Variants in PCDHGB3 observed in about 807,000 individuals in gnomAD.
PCDHGB3 encodes the protein protocadherin gamma subfamily B, 3, also known as protocadherin gamma-B3.
In PCDHGB3, 40 loss-of-function variants were observed where a neutral mutation model predicts 59.2. That is an observed-to-expected ratio of 0.68 (90% confidence interval 0.52 to 0.88). The LOEUF is 0.88. PCDHGB3 is among the 40% of genes least tolerant of loss of function. The probability of loss-of-function intolerance (pLI) is 0.00; values close to 1 mark genes in which losing one functional copy is unlikely to be tolerated. For missense variants in PCDHGB3, 1,309 were observed against 1,187.9 expected (o/e 1.10, Z -1.50); for synonymous variants, 581 against 503.6 (o/e 1.15, Z -2.06).
At chr5:141,383,596 G>T in intron 1 of PCDHGB3, 1 of 1,613,702 alleles carries the variant, frequency 6.2e-7, no homozygotes, top group Non-Finnish European at 8.5e-7. Context: ...GGTGACAGTG[G>T]TGGATGTGAA....
intron 1 of PCDHGB3, chr5:141,410,620 G>T (rs765125633): frequency 6.2e-7 from 1 of 1,603,524 alleles, no homozygotes. Flanking sequence ...CTCTGACTTC[G>T]GTGAGTTTCT....
rs753936459 is a variant in PCDHGB3 at position 141,501,288 on chromosome 5, TATAC to T, written c.2475-4103_2475-4100del. Among the ~76,000 whole-genome samples the T allele has an allele frequency of 4.5e-4, 37 of 81,322 alleles. No homozygotes were observed. The South Asian group carries it at 5.1e-3, about 11-fold the overall frequency. 53.4% of individuals were successfully genotyped at this position (81,322 alleles called of 152,430 possible). A position where few individuals can be genotyped will look rare whatever the true frequency, so the allele number is the denominator to read the frequency against. ...TAGTCCAGTCTATGGGATATTCCCT[TATAC>T]ACACACACACACACACACACACACA... On this transcript the variant is annotated intron_variant, in intron 2 of 3. Coordinates refer to ENST00000576222, the MANE Select transcript of PCDHGB3 (RefSeq NM_018924.5).
intron 1 of PCDHGB3, chr5:141,422,667 G>A (rs1283968031): frequency 1.9e-6 from 3 of 1,607,536 alleles, no homozygotes; most frequent in South Asian, 1.1e-5. Context: ...CCCTCGACCC[G>A]GACAGCAAAC....
intron 1 of PCDHGB3, among the ~76,000 whole-genome samples, chr5:141,451,644 G>A (rs1730833205): frequency 6.6e-6 from 1 of 152,178 alleles, no homozygotes; most frequent in Non-Finnish European, 1.5e-5. Context: ...CACTCTGAGA[G>A]GCCAAGGAGG....
chr5:141,460,766 A>G (rs1370331016), intron 1 of PCDHGB3, among the ~76,000 whole-genome samples: 1 of 152,056 alleles, frequency 6.6e-6, no homozygotes, highest in Non-Finnish European at 1.5e-5. Flanking sequence ...TACATATTGC[A>G]TATGTATGTA....
In PCDHGB3 at chr5:141,412,148, C is replaced by T. The variant is rs183538712; in HGVS notation, c.2415+39339C>T. ...GGACTTTGGCCTCTGATACAAACTG[C>T]CTAAGAGAAGAGATTATTTATACTG... On this transcript the variant is annotated intron_variant, in intron 1 of 3. Coordinates refer to ENST00000576222, the MANE Select transcript of PCDHGB3 (RefSeq NM_018924.5). The T allele has an allele frequency of 3.1e-4, 47 of 152,220 alleles. 2 individuals carry two copies. The highest frequency in any genetic ancestry group is 1.1e-3 in the African/African-American group (45 of 41,552). The allele number at this position is 152,220 out of a possible 1,614,324, so 9.4% of individuals were successfully genotyped here.
At chr5:141,482,530 C>CTAAAAA in intron 1 of PCDHGB3, among the ~76,000 whole-genome samples, 1 of 76,560 alleles carries the variant, frequency 1.3e-5, no homozygotes, top group African/African-American at 4.8e-5. Context: ...GACAGACATG[C>CTAAAAA]AAAAAAAAAA....
rs985430498 is a variant in PCDHGB3 at position 141,387,945 on chromosome 5, C to T, written c.2415+15136C>T. The T allele has an allele frequency of 4.0e-6, 6 of 1,484,034 alleles. No homozygotes were observed. The African/African-American group carries it at 8.5e-5, about 21-fold the overall frequency. The allele number at this position is 1,484,034 out of a possible 1,614,324, so 91.9% of individuals were successfully genotyped here. A position where few individuals can be genotyped will look rare whatever the true frequency, so the allele number is the denominator to read the frequency against. On this transcript the variant is annotated intron_variant, in intron 1 of 3. Coordinates refer to ENST00000576222, the MANE Select transcript of PCDHGB3 (RefSeq NM_018924.5). ...GAGGCTGCCAGTGCTCTTTCTCTTC[C>T]TGCTGTCTTTGTTCTGCCCGGCGCT...
chr5:141,465,532 C>T (rs1175698109), intron 1 of PCDHGB3, among the ~76,000 whole-genome samples: 1 of 152,138 alleles, frequency 6.6e-6, no homozygotes, highest in Non-Finnish European at 1.5e-5. Flanking sequence ...GGAAGTTTTC[C>T]CAGGCATTTT....
At chr5:141,413,639 G>T (rs893578830) in intron 1 of PCDHGB3, 1 of 1,613,736 alleles carries the variant, frequency 6.2e-7, no homozygotes, top group African/African-American at 1.3e-5. Flanking sequence ...GCGGGAATGC[G>T]TTTTCCTCTC....
At chr5:141,506,076 T>C (rs2154593839) in intron 3 of PCDHGB3, among the ~76,000 whole-genome samples, 1 of 152,244 alleles carries the variant, frequency 6.6e-6, no homozygotes, top group South Asian at 2.1e-4. Flanking sequence ...TCCTTTGTAA[T>C]AGAGATTCGG....
chr5:141,456,884 A>G (rs1448469695), intron 1 of PCDHGB3, among the ~76,000 whole-genome samples: 1 of 151,974 alleles, frequency 6.6e-6, no homozygotes, highest in East Asian at 1.9e-4. Flanking sequence ...AATCGCTTGA[A>G]CCCGGGAGGC....
intron 1 of PCDHGB3, among the ~76,000 whole-genome samples, chr5:141,461,314 T>A (rs1453512629): frequency 6.6e-6 from 1 of 152,198 alleles, no homozygotes; most frequent in Non-Finnish European, 1.5e-5. Context: ...TTTTTTGACT[T>A]TTTAATAATG....
chr5:141,459,886 G>A (rs932435611), intron 1 of PCDHGB3, among the ~76,000 whole-genome samples: 2 of 152,080 alleles, frequency 1.3e-5, no homozygotes, highest in Non-Finnish European at 2.9e-5. Context: ...TGAGCTGAAC[G>A]CCTTCTTAAA....
At chr5:141,420,420 CAA>C (rs1462714732) in intron 1 of PCDHGB3, 2 of 1,201,950 alleles carry the variant, frequency 1.7e-6, no homozygotes, top group African/African-American at 3.2e-5. Context: ...ATTATTAAAA[CAA>C]AAGTTTAAAT....
intron 1 of PCDHGB3, chr5:141,422,005 A>G (rs2154549470): frequency 6.2e-7 from 1 of 1,609,814 alleles, no homozygotes; most frequent in Middle Eastern, 1.7e-4. Context: ...CAGCTCCGGA[A>G]CTCGGGTGCT....
At chr5:141,428,532 C>T (rs1561836699) in intron 1 of PCDHGB3, 7 of 277,518 alleles carry the variant, frequency 2.5e-5, no homozygotes, top group Non-Finnish European at 5.0e-5. Context: ...TTAATTTTCT[C>T]ACCATGACAC....
intron 1 of PCDHGB3, among the ~76,000 whole-genome samples, chr5:141,466,540 G>T (rs1302720337): frequency 6.6e-6 from 1 of 152,094 alleles, no homozygotes; most frequent in Non-Finnish European, 1.5e-5. Context: ...GATGTAGATG[G>T]TCTTTTGCTG....
At chr5:141,385,391 A>G (rs1781168651) in intron 1 of PCDHGB3, 1 of 1,505,360 alleles carries the variant, frequency 6.6e-7, no homozygotes, top group Non-Finnish European at 8.9e-7. Context: ...TTATTTTGCA[A>G]AACAAATGTT....
Sources: gnomAD v4.1 joint callset for allele counts (sites outside exome capture counted in the v4.1 genomes callset) on GRCh38, gnomAD v4.1.1 for gene constraint, MANE v1.5 for transcripts, NCBI Gene and HGNC (gene_info 2026-07-23, HGNC 2026-07-21) for gene names.